CHEK2: variants seen among roughly 807,000 people sequenced by gnomAD.
CHEK2 encodes the protein serine/threonine-protein kinase Chk2.
Under a neutral mutation model 69.1 loss-of-function variants are expected in CHEK2, and 71 were observed. The observed-to-expected ratio is 1.03, with a 90% CI of 0.85 to 1.25. The LOEUF is 1.25. Ranked by LOEUF, CHEK2 falls within the 50% of genes most tolerant of loss-of-function variation. The probability of loss-of-function intolerance (pLI) is 0.00; values close to 1 mark genes in which losing one functional copy is unlikely to be tolerated. For synonymous variants in CHEK2, 189 were observed against 226.9 expected, an observed-to-expected ratio of 0.83 and a Z score of 1.50; for missense variants, 664 against 649.6, an observed-to-expected ratio of 1.02 and a Z score of -0.24.
intron 12 of CHEK2, among the ~76,000 whole-genome samples, chr22:28,694,537 T>G (rs2052489846): frequency 6.6e-6 from 1 of 152,198 alleles, no homozygotes; most frequent in Non-Finnish European, 1.5e-5. Context: ...GAAATAAAAC[T>G]TGGCTACTCC....
chr22:28,691,485 G>T (rs2052361589), intron 13 of CHEK2, among the ~76,000 whole-genome samples: 1 of 152,198 alleles, frequency 6.6e-6, no homozygotes, highest in African/African-American at 2.4e-5. Flanking sequence ...TCTCAAAAAA[G>T]GAAATAAATA....
At chr22:28,732,213 C>A (rs2054240142) in intron 2 of CHEK2, among the ~76,000 whole-genome samples, 1 of 151,830 alleles carries the variant, frequency 6.6e-6, no homozygotes, top group East Asian at 1.9e-4. Flanking sequence ...CCAGGTTCAA[C>A]CGATTCTCCT....
chr22:28,717,265 C>T (rs763099203), intron 5 of CHEK2, among the ~76,000 whole-genome samples: 46 of 152,022 alleles, frequency 3.0e-4, no homozygotes, highest in Non-Finnish European at 5.6e-4. Flanking sequence ...GTAGTCCCAG[C>T]TACTTGGGTG....
rs193110832 is a variant in CHEK2 at position 28,714,783 on chromosome 22, T to C, written c.684-2766A>G. ...TATAGTTTTACCTCTTATATTTCAT[T>C]CTTGGTTCCACTTTGAATTAATTCT... On this transcript the variant is annotated intron_variant, in intron 5 of 14. Transcript: ENST00000404276. 2.6e-5 allele frequency among the ~76,000 whole-genome samples: 4 copies of C among 152,302 alleles called. No homozygotes were observed. The East Asian group carries it at 7.7e-4, about 29-fold the overall frequency.
rs780782542 is a variant in CHEK2, at chr22:28,725,014, G to A, written c.555C>T (p.Asn185=). ...VGKGKRRPLN[N]NSEIALSLSR... ...TTAGTGACAGTGCAATTTCAGAATT[G>A]TTATTCAAAGGACGGCGTTTTCCTT... The change falls in exon 4 of 15, where the codon AAC becomes AAT. Residue 185 remains asparagine, a synonymous_variant. Transcript: ENST00000404276. 1 of 1,613,830 alleles carries A rather than the reference G, an allele frequency of 6.2e-7. No homozygotes were observed. The highest frequency in any genetic ancestry group is 8.5e-7 in the Non-Finnish European group (1 of 1,179,922).
At chr22:28,705,369 A>G (rs6005840) in intron 7 of CHEK2, among the ~76,000 whole-genome samples, 102,235 of 151,684 alleles carry the variant, frequency 0.67, 34,975 homozygotes, top group East Asian at 0.84. Context: ...GAGCCACTGC[A>G]CCCGGCCCAA....
chr22:28,695,850 C>G lies in CHEK2; in HGVS notation c.1119G>C (p.Lys373Asn), dbSNP rs2145806422. The change falls in exon 11 of 15, where the codon AAG becomes AAC. Residue 373 changes from lysine (K) to asparagine (N), a missense_variant. Transcript: ENST00000404276. ...LIKITDFGHS[K>N]ILGETSLMRT... Reference sequence around the variant, plus strand: ...TCATGAGAGAGGTCTCTCCCAAAATCTTGGAGTGCCCAAAATCAGTAATCT... The same window carrying G: ...TCATGAGAGAGGTCTCTCCCAAAATGTTGGAGTGCCCAAAATCAGTAATCT... 1 of 1,613,470 alleles carries G rather than the reference C, an allele frequency of 6.2e-7. No individual in the cohort carries two copies. The highest frequency in any genetic ancestry group is 1.1e-5 in the South Asian group (1 of 91,060).
chr22:28,724,715 C>T (rs1317775550), intron 4 of CHEK2: 2 of 440,630 alleles, frequency 4.5e-6, no homozygotes, highest in East Asian at 1.0e-4. Flanking sequence ...TACAGGCATG[C>T]ACCACCATGC....
In CHEK2 at chr22:28,695,800, T is replaced by C. The variant is rs200928781; in HGVS notation, c.1169A>G (p.Tyr390Cys). The C allele has an allele frequency of 3.1e-6, 5 of 1,613,294 alleles. No individual in the cohort carries two copies. The highest frequency in any genetic ancestry group is 4.2e-6 in the Non-Finnish European group (5 of 1,179,366). ...LMRTLCGTPT[Y>C]LAPEVLVSVG... The stretch of plus-strand genomic sequence containing the variant: ...AGAAACAAGAACTTCAGGCGCCAAG[T>C]AGGTGGGGGTTCCACATAAGGTTCT... The change falls in exon 11 of 15, where the codon TAC becomes TGC. Residue 390 changes from tyrosine to cysteine, a missense_variant. By Grantham distance (194) the Tyr-to-Cys change is radical. Coordinates refer to ENST00000404276, the MANE Select transcript of CHEK2 (RefSeq NM_007194.4).
chr22:28,713,482 G>A (rs1008731119), intron 5 of CHEK2, among the ~76,000 whole-genome samples: 2 of 147,986 alleles, frequency 1.4e-5, no homozygotes, highest in Non-Finnish European at 3.0e-5. Flanking sequence ...TCAGCCTCCC[G>A]AGTAGCTGGG....
At chr22:28,710,797 G>C (rs1462218960) in intron 6 of CHEK2, among the ~76,000 whole-genome samples, 1 of 152,172 alleles carries the variant, frequency 6.6e-6, no homozygotes, top group Admixed American at 6.5e-5. Context: ...CTTCCTGTAA[G>C]CCGCTAAACT....
intron 2 of CHEK2, among the ~76,000 whole-genome samples, chr22:28,727,528 C>G (rs2146089284): frequency 6.6e-6 from 1 of 152,256 alleles, no homozygotes; most frequent in African/African-American, 2.4e-5. Context: ...CAGTACAACT[C>G]CAGCACTTGG....
At chr22:28,715,588 G>A (rs1001753515) in intron 5 of CHEK2, among the ~76,000 whole-genome samples, 1 of 151,314 alleles carries the variant, frequency 6.6e-6, no homozygotes, top group African/African-American at 2.4e-5. Context: ...CCCAGTTAAT[G>A]TTTATATTTT....
chr22:28,716,650 A>G (rs2053599103), intron 5 of CHEK2, among the ~76,000 whole-genome samples: 1 of 152,210 alleles, frequency 6.6e-6, no homozygotes, highest in South Asian at 2.1e-4. Context: ...AGGAATATGG[A>G]TGATTATTTC....
chr22:28,711,221 A>G (rs2053378937), intron 6 of CHEK2, among the ~76,000 whole-genome samples: 2 of 152,234 alleles, frequency 1.3e-5, no homozygotes, highest in Admixed American at 6.5e-5. Context: ...AGTAAAATAA[A>G]TGGCTGCTAT....
At chr22:28,734,308 TG>T in intron 2 of CHEK2, 94 bp downstream of exon 2, 1 of 1,231,288 alleles carries the variant, frequency 8.1e-7, no homozygotes, top group Non-Finnish European at 1.2e-6. Flanking sequence ...GCCAAAAACC[TG>T]GACAACTCCA....
intron 13 of CHEK2, among the ~76,000 whole-genome samples, chr22:28,690,230 G>T (rs2052308271): frequency 6.6e-6 from 1 of 152,222 alleles, no homozygotes; most frequent in Non-Finnish European, 1.5e-5. Flanking sequence ...GGTGGCTCAT[G>T]CCTATAATCC....
chr22:28,727,028 T>C (rs953230199), intron 2 of CHEK2, among the ~76,000 whole-genome samples: 1 of 152,016 alleles, frequency 6.6e-6, no homozygotes, highest in Non-Finnish European at 1.5e-5. Context: ...TTTAGGACTC[T>C]ACTATCATCT....
chr22:28,739,245 G>A (rs762110906), intron 1 of CHEK2, among the ~76,000 whole-genome samples: 10 of 152,034 alleles, frequency 6.6e-5, no homozygotes, highest in Non-Finnish European at 8.8e-5. Context: ...CACTGCACTC[G>A]AGGCTAGGTG....
Sources: gnomAD v4.1 joint callset for allele counts (sites outside exome capture counted in the v4.1 genomes callset) on GRCh38, gnomAD v4.1.1 for gene constraint, MANE v1.5 for transcripts, NCBI Gene and HGNC (gene_info 2026-07-23, HGNC 2026-07-21) for gene names.